NEBL: variants seen among roughly 807,000 people sequenced by gnomAD.
The protein encoded by NEBL is nebulette.
NEBL carries 122 observed loss-of-function variants against 140.2 expected under a neutral mutation model. The observed-to-expected ratio is 0.87, with a 90% CI of 0.75 to 1.01. The LOEUF is 1.01. Among genes scored for constraint, NEBL ranks in the 50% least tolerant of loss-of-function variants. NEBL has a pLI of 0.00. For synonymous variants in NEBL, 436 were observed against 398.9 expected (o/e 1.09, Z -1.11); for missense variants, 1,365 against 1,231.3 (o/e 1.11, Z -1.62).
chr10:21,276,099 T>C (rs555784817), intron 1 of NEBL, among the ~76,000 whole-genome samples: 4 of 151,594 alleles, frequency 2.6e-5, no homozygotes, highest in African/African-American at 9.7e-5. Context: ...GCCTCCTGAG[T>C]AGATGAAACT....
chr10:20,818,686 A>T (rs1838977986), intron 20 of NEBL: 1 of 598,290 alleles, frequency 1.7e-6, no homozygotes, highest in Non-Finnish European at 2.1e-6. Context: ...GTCCTTGAGG[A>T]TAGAAAGTGG....
chr10:21,123,741 C>A (rs1040967925), intron 2 of NEBL, among the ~76,000 whole-genome samples: 1 of 148,892 alleles, frequency 6.7e-6, no homozygotes, highest in African/African-American at 2.5e-5. Flanking sequence ...ATATATATAT[C>A]ATCTCAAACT....
intron 2 of NEBL, among the ~76,000 whole-genome samples, chr10:21,034,166 C>T (rs1242418272): frequency 1.8e-4 from 13 of 70,404 alleles, no homozygotes; most frequent in Non-Finnish European, 2.7e-4. Context: ...GACCCTATCT[C>T]GAAAAAAAAA....
At chr10:21,257,630 A>G (rs184927541) in intron 1 of NEBL, among the ~76,000 whole-genome samples, 137 of 152,346 alleles carry the variant, frequency 9.0e-4, no homozygotes, top group African/African-American at 3.2e-3. Flanking sequence ...TCACGCCTGT[A>G]ATCCCAGCAC....
chr10:20,851,922 A>C (rs1246212023), intron 10 of NEBL, among the ~76,000 whole-genome samples: 1 of 152,230 alleles, frequency 6.6e-6, no homozygotes, highest in East Asian at 1.9e-4. Flanking sequence ...ATGGACTTTA[A>C]GTTCCACAGA....
chr10:21,116,082 T>C (rs1214429129), intron 2 of NEBL, among the ~76,000 whole-genome samples: 1 of 152,150 alleles, frequency 6.6e-6, no homozygotes, highest in Non-Finnish European at 1.5e-5. Context: ...TTTTATATCT[T>C]CCATGACTCT....
At chr10:20,866,470 CA>C (rs1256548456) in intron 7 of NEBL, among the ~76,000 whole-genome samples, 1 of 152,144 alleles carries the variant, frequency 6.6e-6, no homozygotes, top group Non-Finnish European at 1.5e-5. Context: ...GGCTTATACT[CA>C]AAATCAATAC....
At chr10:21,171,342 A>G (rs57182022) in intron 2 of NEBL, among the ~76,000 whole-genome samples, 1 of 91,856 alleles carries the variant, frequency 1.1e-5, no homozygotes, top group Non-Finnish European at 2.1e-5. Flanking sequence ...TCTCAAAAAA[A>G]AAAAAAAGAA....
rs1488647937 is a variant in NEBL at position 21,029,589 on chromosome 10, A to C, written c.165-9388T>G. 2.0e-5 allele frequency: 32 copies of C among 1,587,452 alleles called. 1 individual carries two copies. The South Asian group carries it at 2.4e-4, about 12-fold the overall frequency. On this transcript the variant is annotated intron_variant, in intron 2 of 6. Coordinates refer to the NEBL transcript ENST00000417816. ...ATCGGGATTCTGACAAAACAGATAC[A>C]GACTGGAGGGCTCGTTCTGCCACAG...
In NEBL at chr10:20,850,503, C is replaced by T. The variant is rs1233207533; in HGVS notation, c.1009-1G>A. ...TCTCATATTCTTCTTTATATTTCAC[C>T]TTCATTGGAAAAAGAAAAGCATATA... On this transcript the variant is annotated splice_acceptor_variant, in intron 10 of 27. Coordinates refer to ENST00000377122, the MANE Select transcript of NEBL (RefSeq NM_006393.3). LOFTEE classifies it high-confidence loss of function. 1 of 1,574,424 alleles carries T rather than the reference C, an allele frequency of 6.4e-7. No individual in the cohort carries two copies. The highest frequency in any genetic ancestry group is 8.7e-7 in the Non-Finnish European group (1 of 1,144,690).
At chr10:20,988,208 G>A (rs1006598081) in intron 3 of NEBL, among the ~76,000 whole-genome samples, 1 of 151,982 alleles carries the variant, frequency 6.6e-6, no homozygotes, top group Admixed American at 6.6e-5. Context: ...ATGCTCTCTG[G>A]CTCCAGCTTA....
intron 2 of NEBL, among the ~76,000 whole-genome samples, chr10:21,144,198 A>C (rs1839778232): frequency 6.6e-6 from 1 of 152,242 alleles, no homozygotes; most frequent in Admixed American, 6.5e-5. Flanking sequence ...GAACAAAGAC[A>C]CAGTCATTGC....
rs554587864 is a variant in NEBL at position 20,874,695 on chromosome 10, G to T, written c.481-4854C>A. 1.5e-4 allele frequency among the ~76,000 whole-genome samples: 23 copies of T among 152,162 alleles called. No individual in the cohort carries two copies. The South Asian group carries it at 4.6e-3, about 30-fold the overall frequency. Reference sequence around the variant, plus strand: ...TTGCACTAACTTGAGATAGATTTCCGTCACGAAATCTAGAGAGTTCTAACA... The same window carrying T: ...TTGCACTAACTTGAGATAGATTTCCTTCACGAAATCTAGAGAGTTCTAACA... On this transcript the variant is annotated intron_variant, in intron 5 of 27. Coordinates refer to ENST00000377122, the MANE Select transcript of NEBL (RefSeq NM_006393.3).
intron 2 of NEBL, among the ~76,000 whole-genome samples, chr10:21,156,968 C>T (rs1168511594): frequency 6.6e-6 from 1 of 152,110 alleles, no homozygotes; most frequent in East Asian, 1.9e-4. Context: ...AACTGAAATT[C>T]ATTTCCTTAT....
intron 1 of NEBL, among the ~76,000 whole-genome samples, chr10:21,261,844 A>G (rs1332547136): frequency 6.6e-6 from 1 of 152,036 alleles, no homozygotes; most frequent in Admixed American, 6.6e-5. Context: ...ACTCACATGC[A>G]CCAAAACAGC....
intron 2 of NEBL, among the ~76,000 whole-genome samples, chr10:21,115,303 G>T (rs751882630): frequency 6.6e-6 from 1 of 151,892 alleles, no homozygotes; most frequent in Non-Finnish European, 1.5e-5. Flanking sequence ...TTAAAAACAA[G>T]AAGTCTTTTG....
In NEBL at chr10:21,125,852, T is replaced by G. The variant is rs377041157; in HGVS notation, c.164+46531A>C. 1.8e-5 allele frequency: 29 copies of G among 1,613,084 alleles called. No individual in the cohort carries two copies. In the African/African-American group the frequency reaches 2.8e-4, roughly 16 times the overall value. ...AAAAAAGTCATTTTCAGCACCTTCT[T>G]AGATACGTTGAACTTTTCTTTTATG... is the stretch of plus-strand genomic sequence containing the variant. On this transcript the variant is annotated intron_variant, in intron 2 of 6. Transcript: ENST00000417816.
intron 1 of NEBL, among the ~76,000 whole-genome samples, chr10:21,275,902 C>A (rs1332287526): frequency 6.7e-6 from 1 of 148,282 alleles, no homozygotes; most frequent in African/African-American, 2.5e-5. Flanking sequence ...AGGCGATCTG[C>A]CTGCCTCAGC....
chr10:20,973,260 T>C (rs58080530), intron 3 of NEBL, among the ~76,000 whole-genome samples: 4,633 of 151,908 alleles, frequency 0.03, 233 homozygotes, highest in African/African-American at 0.11. Flanking sequence ...TTTTTTTTTT[T>C]TTAAGAGACA....
Sources: allele counts gnomAD v4.1 joint callset (sites outside exome capture counted in the v4.1 genomes callset), GRCh38; gene constraint gnomAD v4.1.1; transcripts MANE v1.5; gene names NCBI Gene and HGNC (gene_info 2026-07-23, HGNC 2026-07-21).